Variants in FARS2 observed in about 807,000 individuals in gnomAD.
FARS2 encodes phenylalanine--tRNA ligase, mitochondrial.
Under a neutral mutation model 46.4 loss-of-function variants are expected in FARS2, and 40 were observed. The observed-to-expected ratio is 0.86, with a 90% CI of 0.67 to 1.12. The LOEUF (loss-of-function observed/expected upper bound fraction) is 1.12, where lower values mean the gene tolerates loss of function less well. Among genes scored for constraint, FARS2 ranks in the 50% most tolerant of loss-of-function variants. The pLI is 0.00. For missense variants in FARS2, 513 were observed against 567.9 expected (o/e 0.90, Z 0.98); for synonymous variants, 234 against 214.9 (o/e 1.09, Z -0.78).
In FARS2 at chr6:5,412,936, G is replaced by A. The variant is rs528719814; in HGVS notation, c.772+8235G>A. ...GCAGGTTGCTCTTTCCGATAAAAACGGGCCAACACCTTCAACCTCTGAGAC... is the reference window on the plus strand; with the variant it reads ...GCAGGTTGCTCTTTCCGATAAAAACAGGCCAACACCTTCAACCTCTGAGAC... On this transcript the variant is annotated intron_variant, in intron 3 of 6. Transcript: ENST00000274680. Among the ~76,000 whole-genome samples the A allele has an allele frequency of 8.5e-4, 129 of 152,234 alleles. 1 individual carries two copies. The highest frequency in any genetic ancestry group is 2.9e-3 in the African/African-American group (122 of 41,536).
chr6:5,406,082 G>A (rs1226208032), intron 3 of FARS2, among the ~76,000 whole-genome samples: 1 of 152,078 alleles, frequency 6.6e-6, no homozygotes, highest in Admixed American at 6.5e-5. Flanking sequence ...GATATAAAGA[G>A]AAGGTTAGTG....
intron 2 of FARS2, among the ~76,000 whole-genome samples, chr6:5,393,699 C>T (rs1220440554): frequency 6.6e-6 from 1 of 152,010 alleles, no homozygotes; most frequent in Non-Finnish European, 1.5e-5. Flanking sequence ...AATTATAATA[C>T]AGTTTACCAG....
chr6:5,481,464 G>A (rs2150342728), intron 4 of FARS2, among the ~76,000 whole-genome samples: 1 of 152,246 alleles, frequency 6.6e-6, no homozygotes, highest in African/African-American at 2.4e-5. Context: ...CTTTTCTTTT[G>A]TCGTTTTTCT....
At chr6:5,357,978 G>C (rs1419335659) in intron 1 of FARS2, among the ~76,000 whole-genome samples, 1 of 152,168 alleles carries the variant, frequency 6.6e-6, no homozygotes, top group East Asian at 1.9e-4. Flanking sequence ...TGAGTGTAAA[G>C]ACTGACAAAA....
chr6:5,308,828 C>G (rs930067587), intron 1 of FARS2, among the ~76,000 whole-genome samples: 2 of 152,186 alleles, frequency 1.3e-5, no homozygotes, highest in Non-Finnish European at 2.9e-5. Flanking sequence ...ATTTATTTCT[C>G]ATAGACCTCA....
intron 5 of FARS2, among the ~76,000 whole-genome samples, chr6:5,569,174 G>GA (rs1425900462): frequency 4.0e-5 from 6 of 151,592 alleles, no homozygotes; most frequent in African/African-American, 1.5e-4. Context: ...AGAAACAGGA[G>GA]AAAAAACAGG....
intron 6 of FARS2, among the ~76,000 whole-genome samples, chr6:5,701,743 G>A (rs1758448640): frequency 6.6e-6 from 1 of 152,186 alleles, no homozygotes. Flanking sequence ...TTAACTTTAT[G>A]TCGACTCTAA....
Position 5,727,936 on chromosome 6 carries a change from G to C in FARS2, c.1218-43355G>C, listed in dbSNP as rs1437787510. 1.3e-5 allele frequency among the ~76,000 whole-genome samples: 2 copies of C among 152,224 alleles called. No individual in the cohort carries two copies. Among genetic ancestry groups the C allele is most frequent in the East Asian group, 3.8e-4 (2 of 5,198 alleles). On this transcript the variant is annotated intron_variant, in intron 6 of 6. Transcript: ENST00000274680. The surrounding 1 kb of genome is among the most constrained non-coding windows in gnomAD (Gnocchi z 4.1). ...GGAGGGCCACCAGGTGAATGACGCTGTTAGAGGGGAAGTGTTGGGGTGAAA... is the reference window on the plus strand; with the variant it reads ...GGAGGGCCACCAGGTGAATGACGCTCTTAGAGGGGAAGTGTTGGGGTGAAA...
At chr6:5,670,717 A>G (rs1778409831) in intron 6 of FARS2, among the ~76,000 whole-genome samples, 1 of 152,206 alleles carries the variant, frequency 6.6e-6, no homozygotes, top group Admixed American at 6.5e-5. Context: ...TATGCACAGC[A>G]CTGAAGCCCA....
At chr6:5,580,929 T>C (rs897040934) in intron 5 of FARS2, among the ~76,000 whole-genome samples, 6 of 152,224 alleles carry the variant, frequency 3.9e-5, no homozygotes, top group African/African-American at 1.4e-4. Context: ...GTATGAACGA[T>C]AAACAGAACC....
intron 2 of FARS2, among the ~76,000 whole-genome samples, chr6:5,396,625 A>G (rs993574923): frequency 1.3e-5 from 2 of 152,190 alleles, no homozygotes; most frequent in Non-Finnish European, 2.9e-5. Context: ...TTTTGTTACA[A>G]TTTTTAGGCT....
intron 6 of FARS2, among the ~76,000 whole-genome samples, chr6:5,741,853 T>C (rs999865203): frequency 6.6e-6 from 1 of 152,184 alleles, no homozygotes; most frequent in African/African-American, 2.4e-5. Flanking sequence ...GGTTTCGCCA[T>C]GTTGGCCAGG....
chr6:5,754,980 C>T (rs2150969461), intron 6 of FARS2, among the ~76,000 whole-genome samples: 1 of 152,270 alleles, frequency 6.6e-6, no homozygotes, highest in Admixed American at 6.5e-5. Context: ...GATATTGCCT[C>T]TCTTTGTTCT....
intron 4 of FARS2, among the ~76,000 whole-genome samples, chr6:5,453,573 A>G (rs1253590283): frequency 1.3e-5 from 2 of 152,220 alleles, no homozygotes; most frequent in Non-Finnish European, 2.9e-5. Flanking sequence ...TACTAGTATA[A>G]TAGGATTTGA....
At chr6:5,271,168 C>G (rs1277747007) in intron 1 of FARS2, among the ~76,000 whole-genome samples, 1 of 152,156 alleles carries the variant, frequency 6.6e-6, no homozygotes, top group Non-Finnish European at 1.5e-5. Flanking sequence ...GTGCTTTTCT[C>G]TACTTTGTCT....
chr6:5,316,975 G>A (rs1476560173), intron 1 of FARS2, among the ~76,000 whole-genome samples: 1 of 152,066 alleles, frequency 6.6e-6, no homozygotes, highest in Non-Finnish European at 1.5e-5. Flanking sequence ...CCTTGTGAAG[G>A]GCACAGCCGG....
intron 6 of FARS2, among the ~76,000 whole-genome samples, chr6:5,696,666 T>C (rs1758123491): frequency 6.6e-6 from 1 of 152,198 alleles, no homozygotes; most frequent in Admixed American, 6.5e-5. Flanking sequence ...TCTATAAAGA[T>C]AGAAAGGAAA....
At chr6:5,468,018 T>G (rs1402567721) in intron 4 of FARS2, among the ~76,000 whole-genome samples, 6 of 152,204 alleles carry the variant, frequency 3.9e-5, no homozygotes, top group African/African-American at 1.2e-4. Flanking sequence ...AGGCCAGTAG[T>G]AAAAACTTAT....
intron 6 of FARS2, chr6:5,695,188 G>C (rs1419024746): frequency 6.6e-6 from 1 of 152,202 alleles, no homozygotes; most frequent in African/African-American, 2.4e-5. Flanking sequence ...CATTTGTCCT[G>C]AGCCTTTTCA....
Sources: allele counts gnomAD v4.1 joint callset (sites outside exome capture counted in the v4.1 genomes callset), GRCh38; gene constraint gnomAD v4.1.1; non-coding constraint Gnocchi (gnomAD v3.1); transcripts MANE v1.5; gene names NCBI Gene and HGNC (gene_info 2026-07-23, HGNC 2026-07-21).